FRAS1: variants seen among roughly 807,000 people sequenced by gnomAD.
FRAS1 encodes Fraser extracellular matrix complex subunit 1.
FRAS1 carries 290 observed loss-of-function variants against 435.2 expected under a neutral mutation model. That is an observed-to-expected ratio of 0.67 (90% CI 0.61 to 0.73). FRAS1 has a LOEUF of 0.73. Ranked by LOEUF, FRAS1 falls within the 30% of genes least tolerant of loss-of-function variation. FRAS1 has a pLI of 0.00. For synonymous variants in FRAS1, 1,800 were observed against 1,851.0 expected (o/e 0.97, Z 0.71); for missense variants, 4,860 against 5,001.5 (o/e 0.97, Z 0.85).
At chr4:78,446,914 T>A in intron 43 of FRAS1, 34 bp downstream of exon 43, 1 of 1,577,392 alleles carries the variant, frequency 6.3e-7, no homozygotes, top group Non-Finnish European at 8.6e-7. Flanking sequence ...AGCTTCTTAA[T>A]TGAGATGCCC....
chr4:78,431,444 C>T (rs561533856), intron 37 of FRAS1, among the ~76,000 whole-genome samples: 9 of 152,242 alleles, frequency 5.9e-5, no homozygotes, highest in South Asian at 4.1e-4. Flanking sequence ...CATAATGCCA[C>T]GAGCACCAGT....
intron 2 of FRAS1, among the ~76,000 whole-genome samples, chr4:78,166,917 A>G (rs1266758960): frequency 6.6e-6 from 1 of 152,190 alleles, no homozygotes; most frequent in East Asian, 1.9e-4. Flanking sequence ...CCTGGGAGCC[A>G]TAGATTGTCT....
intron 72 of FRAS1, among the ~76,000 whole-genome samples, chr4:78,537,819 A>C (rs1425373094): frequency 2.6e-5 from 4 of 152,054 alleles, no homozygotes; most frequent in Non-Finnish European, 4.4e-5. Context: ...GGTGGCATGC[A>C]CTTGTAGTCA....
At chr4:78,346,416 C>T (rs761621878) in intron 20 of FRAS1, among the ~76,000 whole-genome samples, 3 of 152,172 alleles carry the variant, frequency 2.0e-5, no homozygotes, top group Non-Finnish European at 2.9e-5. Context: ...AGATGTTAAC[C>T]CACTTACCCA....
intron 2 of FRAS1, among the ~76,000 whole-genome samples, chr4:78,186,298 G>A (rs1722263863): frequency 6.6e-6 from 1 of 151,810 alleles, no homozygotes; most frequent in Admixed American, 6.6e-5. Flanking sequence ...TAGGAGCCTG[G>A]GCCAGAGAAT....
chr4:78,384,951 A>G (rs1319501779), intron 28 of FRAS1, among the ~76,000 whole-genome samples: 1 of 151,796 alleles, frequency 6.6e-6, no homozygotes, highest in Non-Finnish European at 1.5e-5. Flanking sequence ...TCTTTAGGTA[A>G]AGGAGTTTGT....
chr4:78,493,208 A>G (rs1056340112), intron 59 of FRAS1, among the ~76,000 whole-genome samples: 1 of 152,196 alleles, frequency 6.6e-6, no homozygotes, highest in South Asian at 2.1e-4. Context: ...TGTTGGTGGG[A>G]GTGTAAATTA....
At chr4:78,493,639 A>T (rs1720430373) in intron 59 of FRAS1, among the ~76,000 whole-genome samples, 2 of 151,896 alleles carry the variant, frequency 1.3e-5, no homozygotes, top group South Asian at 4.2e-4. Flanking sequence ...GGAACATCAC[A>T]CACCGGGGCC....
rs539042733 is a variant in FRAS1 at position 78,086,358 on chromosome 4, T to G, written c.108+20342T>G. Among the ~76,000 whole-genome samples, 155 of 152,112 alleles carry G rather than the reference T, an allele frequency of 1.0e-3. 2 individuals are homozygous for G. Among genetic ancestry groups the G allele is most frequent in the Non-Finnish European group, 1.6e-4 (11 of 67,994 alleles). On this transcript the variant is annotated intron_variant, in intron 2 of 73. Transcript: ENST00000512123. ...AAAATTGACACTCTAACATCACAATTAAAGGAACTAGAGAAGCAAGAGCAA... is the reference window on the plus strand; with the variant it reads ...AAAATTGACACTCTAACATCACAATGAAAGGAACTAGAGAAGCAAGAGCAA...
intron 4 of FRAS1, among the ~76,000 whole-genome samples, chr4:78,249,896 A>G (rs1725451344): frequency 6.6e-6 from 1 of 152,138 alleles, no homozygotes; most frequent in African/African-American, 2.4e-5. Context: ...TGGTAGTAAC[A>G]AAAGTTCTTG....
chr4:78,072,853 G>A (rs552600209), intron 2 of FRAS1, among the ~76,000 whole-genome samples: 320 of 152,130 alleles, frequency 2.1e-3, no homozygotes, highest in Non-Finnish European at 3.7e-3. Context: ...CATAAATTTA[G>A]CAAGGTAATG....
At chr4:78,305,703 T>C (rs957637223) in intron 14 of FRAS1, among the ~76,000 whole-genome samples, 1 of 151,878 alleles carries the variant, frequency 6.6e-6, no homozygotes, top group African/African-American at 2.4e-5. Flanking sequence ...TTTTTTGTTT[T>C]CCATTTGCTT....
rs1718818108 is a variant in FRAS1, at chr4:78,446,085, A to T, written c.5856+373A>T. On this transcript the variant is annotated intron_variant, in intron 42 of 73. Coordinates refer to ENST00000512123, the MANE Select transcript of FRAS1 (RefSeq NM_025074.7). ...TTTTCTTATTTTACTGCATTTATTTATTTAATTGTAACATCAAAGAAATGT... is the reference window on the plus strand; with the variant it reads ...TTTTCTTATTTTACTGCATTTATTTTTTTAATTGTAACATCAAAGAAATGT... 5 of 1,096,128 alleles carry T rather than the reference A, an allele frequency of 4.6e-6. No individual in the cohort carries two copies. In the South Asian group the frequency reaches 2.2e-4, roughly 47 times the overall value. 67.9% of individuals were successfully genotyped at this position (1,096,128 alleles called of 1,614,324 possible).
At chr4:78,532,214 G>C (rs952287831) in intron 70 of FRAS1, among the ~76,000 whole-genome samples, 2 of 152,044 alleles carry the variant, frequency 1.3e-5, no homozygotes, top group East Asian at 3.9e-4. Context: ...TGGCTGACTG[G>C]TCATTCCTCT....
At chr4:78,151,161 CTG>C (rs1720642785) in intron 2 of FRAS1, among the ~76,000 whole-genome samples, 1 of 152,082 alleles carries the variant, frequency 6.6e-6, no homozygotes, top group African/African-American at 2.4e-5. Context: ...CTCACAAACA[CTG>C]AATTATACTG....
At chr4:78,445,913 T>G in intron 42 of FRAS1, 4 of 1,329,238 alleles carry the variant, frequency 3.0e-6, no homozygotes, top group Non-Finnish European at 3.8e-6. Context: ...GAAATCTAAA[T>G]TTCCATTTCA....
chr4:78,192,938 C>A (rs1287417723), intron 2 of FRAS1, among the ~76,000 whole-genome samples: 1 of 152,188 alleles, frequency 6.6e-6, no homozygotes, highest in Admixed American at 6.5e-5. Flanking sequence ...CTACACACTG[C>A]TTTGAATGTG....
At chr4:78,238,679 A>T (rs1423773498) in intron 3 of FRAS1, among the ~76,000 whole-genome samples, 1 of 152,100 alleles carries the variant, frequency 6.6e-6, no homozygotes, top group Non-Finnish European at 1.5e-5. Flanking sequence ...AAATATTCCT[A>T]AAAAAATCAT....
intron 2 of FRAS1, among the ~76,000 whole-genome samples, chr4:78,229,583 C>A (rs1560592004): frequency 6.6e-6 from 1 of 152,274 alleles, no homozygotes; most frequent in East Asian, 1.9e-4. Flanking sequence ...GTAGGCAGCA[C>A]TGCCCTAGTG....
Sources: allele counts gnomAD v4.1 joint callset (sites outside exome capture counted in the v4.1 genomes callset), GRCh38; gene constraint gnomAD v4.1.1; transcripts MANE v1.5; gene names NCBI Gene and HGNC (gene_info 2026-07-23, HGNC 2026-07-21).